Variants in LTA4H observed in about 807,000 individuals in gnomAD.
LTA4H encodes the protein leukotriene A4 hydrolase.
LTA4H carries 59 observed loss-of-function variants against 89.8 expected under a neutral mutation model. The observed-to-expected ratio is 0.66, with a 90% CI of 0.53 to 0.82. LTA4H has a LOEUF of 0.82. LTA4H is among the 40% of genes least tolerant of loss of function. The pLI is 0.00. For missense variants in LTA4H, 617 were observed against 727.0 expected (o/e 0.85, Z 1.74); for synonymous variants, 227 against 253.1 (o/e 0.90, Z 0.98).
intron 18 of LTA4H, among the ~76,000 whole-genome samples, chr12:96,001,341 C>T (rs1268381058): frequency 6.6e-6 from 1 of 152,166 alleles, no homozygotes; most frequent in Non-Finnish European, 1.5e-5. Context: ...TGGGTATGGT[C>T]CTGCCACAGG....
In LTA4H at chr12:96,035,448, C is replaced by G. The variant is rs2228060; in HGVS notation, c.72G>C (p.Leu24=). ...GGCGAGTAAAGTCGACGCTGCAGCG[C>G]AGGTGCAGGTGCTTGGTCCGGCAGA... ...ASVCRTKHLH[L]RCSVDFTRRT... Residue 24 remains leucine (L), a synonymous_variant, in exon 1 of 19, where the codon CTG becomes CTC. Transcript: ENST00000228740. The G allele has an allele frequency of 6.2e-7, 1 of 1,609,564 alleles. No individual in the cohort carries two copies.
At chr12:96,036,074 T>G (rs1343886628), upstream of LTA4H, among the ~76,000 whole-genome samples, 1 of 152,164 alleles carries the variant, frequency 6.6e-6, no homozygotes, top group Non-Finnish European at 1.5e-5. Flanking sequence ...AGACCGGGGT[T>G]CGATTCCCCG....
At position 96,019,583 on chromosome 12, in the gene LTA4H, C is replaced by CT. The variant is rs1194400496; in HGVS notation, c.639-344dup. Among the ~76,000 whole-genome samples the CT allele has an allele frequency of 2.7e-3, 382 of 140,288 alleles. 1 individual carries two copies. The highest frequency in any genetic ancestry group is 0.01 in the African/African-American group (360 of 35,480). The allele number at this position is 140,288 out of a possible 152,430, so 92.0% of individuals were successfully genotyped here. A position where few individuals can be genotyped will look rare whatever the true frequency, so the allele number is the denominator to read the frequency against. ...AAACCCAGTCACAACTCATAAGAAACTATTTTTTTTTTTTTTTTTTTTTTT... is the reference window on the plus strand; with the variant it reads ...AAACCCAGTCACAACTCATAAGAAACTTATTTTTTTTTTTTTTTTTTTTTTT... On this transcript the variant is annotated intron_variant, in intron 6 of 18. Transcript: ENST00000228740.
intron 15 of LTA4H, 76 bp from the exon 16 acceptor site, chr12:96,006,485 T>A: frequency 1.3e-6 from 1 of 788,594 alleles, no homozygotes; most frequent in African/African-American, 1.7e-5. Flanking sequence ...GACATAAAAG[T>A]AAAAATTGAG....
chr12:96,024,572 A>G, intron 3 of LTA4H, 25 bp from the exon 4 acceptor site: 3 of 1,463,088 alleles, frequency 2.1e-6, no homozygotes, highest in Non-Finnish European at 2.9e-6. Flanking sequence ...AACAAGAAGA[A>G]ATAGCTATTT....
At chr12:96,034,877 T>C (rs538484550) in intron 1 of LTA4H, among the ~76,000 whole-genome samples, 10 of 152,344 alleles carry the variant, frequency 6.6e-5, no homozygotes, top group Admixed American at 5.2e-4. Context: ...GGTGAGATTG[T>C]TGACTGAGGA....
chr12:96,035,271 G>T, intron 1 of LTA4H, 90 bp downstream of exon 1: 1 of 1,370,226 alleles, frequency 7.3e-7, no homozygotes, highest in South Asian at 1.4e-5. Context: ...CCGCGGCGGG[G>T]TGAGCCGGAG....
At chr12:96,034,678 G>A (rs1217206429) in intron 1 of LTA4H, among the ~76,000 whole-genome samples, 2 of 152,212 alleles carry the variant, frequency 1.3e-5, no homozygotes, top group African/African-American at 4.8e-5. Flanking sequence ...TTCAAAGTAG[G>A]GCGGAAAGAA....
At chr12:96,041,586 C>G (rs974316138) in intron 1 of LTA4H, among the ~76,000 whole-genome samples, 1 of 151,966 alleles carries the variant, frequency 6.6e-6, no homozygotes, top group East Asian at 1.9e-4. Flanking sequence ...AATGTGTATC[C>G]CCCTTTACAC....
chr12:96,031,219 T>C (rs1294564691), intron 1 of LTA4H, among the ~76,000 whole-genome samples: 1 of 152,172 alleles, frequency 6.6e-6, no homozygotes, highest in Non-Finnish European at 1.5e-5. Flanking sequence ...AGACTAAGGG[T>C]TCTAAAACAG....
intron 7 of LTA4H, 72 bp from the exon 8 acceptor site, chr12:96,018,975 G>T: frequency 2.2e-6 from 3 of 1,371,122 alleles, no homozygotes; most frequent in East Asian, 2.3e-5. Context: ...ATTGTATATT[G>T]CTTTCTATGA....
intron 1 of LTA4H, 113 bp downstream of exon 1, chr12:96,035,248 G>T: frequency 8.9e-7 from 1 of 1,122,784 alleles, no homozygotes; most frequent in African/African-American, 1.6e-5. Context: ...GGGGACGTGG[G>T]GCTAGGCAGG....
rs980989255 is a variant in LTA4H at position 96,024,332 on chromosome 12, C to G, written c.480+147G>C. The G allele has an allele frequency of 2.4e-4, 122 of 510,304 alleles. 1 individual carries two copies. Among genetic ancestry groups the G allele is most frequent in the Middle Eastern group, 1.1e-3 (2 of 1,826 alleles). 31.6% of individuals were successfully genotyped at this position (510,304 alleles called of 1,614,324 possible). A position where few individuals can be genotyped will look rare whatever the true frequency, so the allele number is the denominator to read the frequency against. ...AAGTAGAGATTCAGAATGAGTGCCA[C>G]AGCCTCTTTGTTTACATATTTCAGG... On this transcript the variant is annotated intron_variant, in intron 4 of 18. Transcript: ENST00000228740.
At chr12:96,001,732 A>G (rs1184223472) in intron 18 of LTA4H, among the ~76,000 whole-genome samples, 1 of 152,212 alleles carries the variant, frequency 6.6e-6, no homozygotes, top group Non-Finnish European at 1.5e-5. Context: ...TAAATACACT[A>G]AATAAAAAGG....
chr12:96,006,208 T>C (rs5020450), intron 16 of LTA4H, 106 bp downstream of exon 16: 82,855 of 579,170 alleles, frequency 0.14, 7,342 homozygotes, highest in Non-Finnish European at 0.19. Flanking sequence ...AAATGATTTT[T>C]TCCCCATTAG....
Position 96,022,199 on chromosome 12 carries a change from T to C in LTA4H, c.533A>G (p.Glu178Gly). The change falls in exon 5 of 19, where the codon GAA (glutamate) becomes GGA (glycine). Residue 178 changes from glutamate to glycine, a missense_variant. By Grantham distance (98) the Glu-to-Gly change is moderately conservative. Transcript: ENST00000228740. The surrounding 1 kb of genome is among the most constrained non-coding windows in gnomAD (Gnocchi z 4.0). ...GCTTGGGTCTTCTGGGTCAGGTGTT[T>C]CTCCATCACGAATAGCACTCATAAG... ...VALMSAIRDG[E>G]TPDPEDPSRK... The C allele has an allele frequency of 6.2e-7, 1 of 1,614,012 alleles. No individual in the cohort carries two copies. The highest frequency in any genetic ancestry group is 8.5e-7 in the Non-Finnish European group (1 of 1,179,946).
At chr12:96,019,046 A>C (rs1950419469) in intron 7 of LTA4H, 122 bp downstream of exon 7, 4 of 1,139,130 alleles carry the variant, frequency 3.5e-6, no homozygotes, top group Non-Finnish European at 5.0e-6. Flanking sequence ...TAGCAACTAC[A>C]CATCTACATA....
chr12:96,030,969 GAGT>G (rs1464486123), intron 1 of LTA4H, among the ~76,000 whole-genome samples: 1 of 152,152 alleles, frequency 6.6e-6, no homozygotes, highest in Non-Finnish European at 1.5e-5. Flanking sequence ...AACTTGATTT[GAGT>G]ATCTTGTGTT....
chr12:96,006,108 G>A (rs1245273301), intron 16 of LTA4H, among the ~76,000 whole-genome samples: 2 of 151,928 alleles, frequency 1.3e-5, no homozygotes, highest in African/African-American at 4.8e-5. Context: ...TGAAGATAAG[G>A]TATATCCTTT....
Sources: gnomAD v4.1 joint callset for allele counts (sites outside exome capture counted in the v4.1 genomes callset) on GRCh38, gnomAD v4.1.1 for gene constraint, Gnocchi (gnomAD v3.1) non-coding constraint, MANE v1.5 for transcripts, NCBI Gene and HGNC (gene_info 2026-07-23, HGNC 2026-07-21) for gene names.